SH2D4B: variants seen among roughly 807,000 people sequenced by gnomAD.
The protein encoded by SH2D4B is SH2 domain-containing protein 4B.
SH2D4B carries 45 observed loss-of-function variants against 61.5 expected under a neutral mutation model. The observed-to-expected ratio is 0.73, with a 90% confidence interval of 0.58 to 0.94. The LOEUF is 0.94. Among genes scored for constraint, SH2D4B ranks in the 40% least tolerant of loss-of-function variants. The pLI is 0.00. For synonymous variants in SH2D4B, 224 were observed against 220.4 expected (o/e 1.02, Z -0.14); for missense variants, 572 against 574.2 (o/e 1.00, Z 0.04).
Position 80,543,495 on chromosome 10 carries a change from C to T in SH2D4B, c.184+4980C>T, listed in dbSNP as rs375945861. Among the ~76,000 whole-genome samples the T allele has an allele frequency of 2.0e-4, 30 of 152,350 alleles. No homozygotes were observed. The East Asian group carries it at 4.3e-3, about 22-fold the overall frequency. On this transcript the variant is annotated intron_variant, in intron 1 of 7. Coordinates refer to ENST00000646907, the MANE Select transcript of SH2D4B (RefSeq NM_001388272.1). ...CAGCCCTCCATGCCTAAGCCTACCC[C>T]CTGCCTCCGTGGGCTCCTGTGCCGC... is the stretch of plus-strand genomic sequence containing the variant.
chr10:80,602,400 T>A (rs1274960830), intron 4 of SH2D4B, among the ~76,000 whole-genome samples: 1 of 152,152 alleles, frequency 6.6e-6, no homozygotes, highest in African/African-American at 2.4e-5. Flanking sequence ...GAGGTTGAGG[T>A]TGCAGTGAGC....
intron 1 of SH2D4B, among the ~76,000 whole-genome samples, chr10:80,545,305 G>A (rs1841658711): frequency 6.6e-6 from 1 of 152,022 alleles, no homozygotes; most frequent in Non-Finnish European, 1.5e-5. Flanking sequence ...CTGTCTCCGC[G>A]AATTTGCCTC....
intron 1 of SH2D4B, among the ~76,000 whole-genome samples, chr10:80,546,524 GTA>G (rs1841682751): frequency 7.9e-6 from 1 of 126,596 alleles, no homozygotes; most frequent in African/African-American, 3.5e-5. Flanking sequence ...ATAGCATACG[GTA>G]TTTTTTTTTT....
intron 1 of SH2D4B, among the ~76,000 whole-genome samples, chr10:80,565,457 G>A (rs1228866678): frequency 6.6e-6 from 1 of 151,452 alleles, no homozygotes; most frequent in East Asian, 1.9e-4. Context: ...GTGCAGTGGT[G>A]TAATCATAGC....
At chr10:80,607,054 A>G (rs566620976) in intron 5 of SH2D4B, among the ~76,000 whole-genome samples, 5 of 152,366 alleles carry the variant, frequency 3.3e-5, no homozygotes, top group Admixed American at 2.6e-4. Context: ...TCTAATTTAT[A>G]TAGAATGATC....
intron 1 of SH2D4B, among the ~76,000 whole-genome samples, chr10:80,542,030 A>G (rs1311688654): frequency 6.6e-6 from 1 of 152,086 alleles, no homozygotes; most frequent in East Asian, 1.9e-4. Flanking sequence ...TAGGTTTTTT[A>G]AATCTAACAT....
intron 1 of SH2D4B, among the ~76,000 whole-genome samples, chr10:80,556,527 C>A (rs1841839993): frequency 6.6e-6 from 1 of 152,162 alleles, no homozygotes. Context: ...GGCACATTAA[C>A]ACTATTGAGT....
chr10:80,605,082 T>G (rs772697568), intron 5 of SH2D4B, among the ~76,000 whole-genome samples: 1 of 152,156 alleles, frequency 6.6e-6, no homozygotes, highest in Non-Finnish European at 1.5e-5. Flanking sequence ...CGTGAGCCAC[T>G]GCGTCCGGCT....
In SH2D4B at chr10:80,571,550, T is replaced by A. The variant is rs571518725; in HGVS notation, c.467T>A (p.Leu156Gln). 2 of 1,614,032 alleles carry A rather than the reference T, an allele frequency of 1.2e-6. No homozygotes were observed. Among genetic ancestry groups the A allele is most frequent in the African/African-American group, 2.7e-5 (2 of 75,040 alleles). The change falls in exon 3 of 8, where the codon CTG (leucine) becomes CAG (glutamine). Residue 156 changes from leucine (L) to glutamine (Q), a missense_variant. Transcript: ENST00000646907. The part of the protein sequence containing the change: ...EMEDRKAAKV[L>Q]EERIHEEFKR... Reference sequence around the variant, plus strand: ...GAAGACCGCAAGGCTGCCAAAGTCCTGGAGGAACGCATCCACGAGGAATTC... The same window carrying A: ...GAAGACCGCAAGGCTGCCAAAGTCCAGGAGGAACGCATCCACGAGGAATTC...
intron 1 of SH2D4B, among the ~76,000 whole-genome samples, chr10:80,552,348 CTT>C (rs147421575): frequency 0.014 from 2,065 of 152,308 alleles, 52 homozygotes; most frequent in African/African-American, 0.046. Context: ...TTTTGCTCCA[CTT>C]TGCATGGAGG....
intron 4 of SH2D4B, among the ~76,000 whole-genome samples, chr10:80,601,295 C>G (rs12360015): frequency 0.12 from 17,887 of 152,218 alleles, 1,218 homozygotes; most frequent in East Asian, 0.25. Flanking sequence ...CAGCAGAATG[C>G]GAGGCTGCTG....
chr10:80,544,018 TA>T (rs1841628747), intron 1 of SH2D4B, among the ~76,000 whole-genome samples: 1 of 151,930 alleles, frequency 6.6e-6, no homozygotes, highest in Non-Finnish European at 1.5e-5. Context: ...GATAAGAGAA[TA>T]AAAGCAGGCT....
chr10:80,634,262 T>TAAAAA, intron 6 of SH2D4B, 23 bp from the exon 7 acceptor site: 2 of 1,473,868 alleles, frequency 1.4e-6, no homozygotes, highest in South Asian at 1.3e-5. Flanking sequence ...TGTGTTTTTT[T>TAAAAA]GTTTTTTTCT....
intron 3 of SH2D4B, among the ~76,000 whole-genome samples, chr10:80,579,109 A>C (rs187300434): frequency 1.4e-4 from 21 of 152,106 alleles, no homozygotes; most frequent in Admixed American, 5.2e-4. Flanking sequence ...TGGAGGCTGG[A>C]GGAGAGGTGA....
intron 3 of SH2D4B, among the ~76,000 whole-genome samples, chr10:80,572,945 AATATATATATATAT>A (rs869061750): frequency 0.025 from 520 of 20,622 alleles, 24 homozygotes; most frequent in East Asian, 0.19. Context: ...GTATGTTGCA[AATATATATATATAT>A]ATATATATAT....
intron 5 of SH2D4B, among the ~76,000 whole-genome samples, chr10:80,606,200 G>A (rs967913559): frequency 1.3e-4 from 20 of 152,018 alleles, no homozygotes; most frequent in African/African-American, 4.8e-4. Flanking sequence ...GGGAGGAGAG[G>A]TTCAGATTCA....
At chr10:80,588,578 T>C in intron 3 of SH2D4B, 52 bp from the exon 4 acceptor site, 3 of 1,598,420 alleles carry the variant, frequency 1.9e-6, no homozygotes, top group Non-Finnish European at 2.6e-6. Flanking sequence ...CTTTCTCGTT[T>C]CTCTGAAGTG....
rs771244207 is a variant in SH2D4B at position 80,588,704 on chromosome 10, C to G, written c.570C>G (p.Leu190=). The change falls in exon 4 of 8, where the codon CTC becomes CTG. Residue 190 remains leucine (L), a synonymous_variant. Coordinates refer to ENST00000646907, the MANE Select transcript of SH2D4B (RefSeq NM_001388272.1). ...AGGAAGAGCAGAGGGCGAAGGAGCT[C>G]TACTGGACCCTGAAGCAGGCTCAGC... ...RLQEEQRAKE[L]YWTLKQAQLH... is the part of the protein sequence containing the mutation. The G allele has an allele frequency of 4.3e-6, 7 of 1,613,966 alleles. No individual in the cohort carries two copies. The African/African-American group carries it at 6.7e-5, about 15-fold the overall frequency.
chr10:80,625,549 T>G (rs191155978), intron 6 of SH2D4B, among the ~76,000 whole-genome samples: 45 of 151,942 alleles, frequency 3.0e-4, no homozygotes, highest in African/African-American at 9.9e-4. Context: ...TATTCATTTT[T>G]GGTTTTGAAT....
Sources: allele counts gnomAD v4.1 joint callset (sites outside exome capture counted in the v4.1 genomes callset), GRCh38; gene constraint gnomAD v4.1.1; transcripts MANE v1.5; gene names NCBI Gene and HGNC (gene_info 2026-07-23, HGNC 2026-07-21).